SH2D6: variants seen among roughly 807,000 people sequenced by gnomAD.
The protein encoded by SH2D6 is SH2 domain-containing protein 6.
SH2D6 carries 31 observed loss-of-function variants against 30.2 expected under a neutral mutation model. The ratio of observed to expected loss-of-function variants is 1.03; its 90% CI spans 0.77 to 1.38. The LOEUF (loss-of-function observed/expected upper bound fraction) is 1.38, where lower values mean the gene tolerates loss of function less well. Among genes scored for constraint, SH2D6 ranks in the 40% most tolerant of loss-of-function variants. The probability of loss-of-function intolerance (pLI) is 0.00; values close to 1 mark genes in which losing one functional copy is unlikely to be tolerated. For synonymous variants in SH2D6, 93 were observed against 104.6 expected (o/e 0.89, Z 0.68); for missense variants, 240 against 266.8 (o/e 0.90, Z 0.70).
chr2:85,425,251 T>G (rs1687943324), intron 5 of SH2D6, 57 bp from the exon 6 acceptor site: 1 of 142,376 alleles, frequency 7.0e-6, no homozygotes, highest in African/African-American at 2.6e-5. Context: ...GTTCTTTTCT[T>G]TCTTTCTTTT....
chr2:85,431,991 C>T (rs1688713278), intron 14 of SH2D6, 32 bp downstream of exon 14: 1 of 152,694 alleles, frequency 6.5e-6, no homozygotes, highest in African/African-American at 2.4e-5. Flanking sequence ...TCTGTGGCTC[C>T]ACCCTGGGAC....
At chr2:85,423,088 A>T (rs534318692) in intron 5 of SH2D6, among the ~76,000 whole-genome samples, 2 of 152,200 alleles carry the variant, frequency 1.3e-5, no homozygotes, top group Non-Finnish European at 2.9e-5. Flanking sequence ...GGGTTTCGCC[A>T]TGTTGGCCAG....
rs530413929 is a variant in SH2D6 at position 85,435,352 on chromosome 2, C to T, written c.649-61C>T. On this transcript the variant is annotated intron_variant, in intron 20 of 23. Coordinates refer to ENST00000469800, the MANE Select transcript of SH2D6 (RefSeq NM_001394463.1). ...CATAAATAACTGCACCCTGGGTCCT[C>T]GGCTCCGCATGCCTGATTGAGTGCC... The T allele has an allele frequency of 5.2e-5, 81 of 1,566,138 alleles. No individual in the cohort carries two copies. In the African/African-American group the frequency reaches 6.0e-4, roughly 12 times the overall value.
chr2:85,428,486 A>C (rs1688251101), intron 6 of SH2D6, 98 bp from the exon 7 acceptor site: 1 of 152,210 alleles, frequency 6.6e-6, no homozygotes, highest in Non-Finnish European at 1.5e-5. Context: ...TAGGGAGGTC[A>C]TTAAGAATAA....
intron 17 of SH2D6, 38 bp downstream of exon 17, chr2:85,434,149 T>C (rs1445431836): frequency 6.5e-7 from 1 of 1,541,210 alleles, no homozygotes; most frequent in Admixed American, 2.0e-5. Context: ...TGTGTATGTA[T>C]GTGAGACACA....
In SH2D6 at chr2:85,418,796, C is replaced by T. The variant is rs1455295790; in HGVS notation, c.-927C>T. 6.6e-6 allele frequency: 1 copy of T among 152,306 alleles called. No homozygotes were observed. Among genetic ancestry groups the T allele is most frequent in the Non-Finnish European group, 1.5e-5 (1 of 68,102 alleles). The allele number at this position is 152,306 out of a possible 1,614,324, so 9.4% of individuals were successfully genotyped here. A position where few individuals can be genotyped will look rare whatever the true frequency, so the allele number is the denominator to read the frequency against. On this transcript the variant is annotated 5_prime_UTR_variant, in exon 1 of 24. Transcript: ENST00000469800. The stretch of plus-strand genomic sequence containing the variant: ...ATCCCGGTAGCTAGGTGGGGGCTAC[C>T]CTGCTGGGGAAGAGATGGCCTTCTC...
chr2:85,434,157 A>G (rs1414263189), intron 17 of SH2D6, 46 bp downstream of exon 17: 1 of 1,541,520 alleles, frequency 6.5e-7, no homozygotes, highest in Non-Finnish European at 8.8e-7. Flanking sequence ...TATGTGAGAC[A>G]CAGAGAGAGA....
Position 85,435,513 on chromosome 2 carries a change from C to T in SH2D6, c.732+17C>T, listed in dbSNP as rs7589663. On this transcript the variant is annotated intron_variant, in intron 21 of 23. Transcript: ENST00000469800. ...TTACAAAAGGTGGGCAGCCACGGAC[C>T]CCGGGTCTTCTCCAAAACCCCTTTT... 0.15 allele frequency: 245,997 copies of T among 1,611,272 alleles called. 22,592 individuals carry two copies. Among genetic ancestry groups the T allele is most frequent in the African/African-American group, 0.42 (31,469 of 74,894 alleles).
chr2:85,434,661 A>G, intron 19 of SH2D6, 164 bp downstream of exon 19: 1 of 1,313,054 alleles, frequency 7.6e-7, no homozygotes, highest in Non-Finnish European at 1.0e-6. Flanking sequence ...CATCTTCAGC[A>G]TGAATGCAGG....
intron 2 of SH2D6, among the ~76,000 whole-genome samples, chr2:85,419,611 T>G (rs998387130): frequency 6.6e-6 from 1 of 152,232 alleles, no homozygotes; most frequent in Non-Finnish European, 1.5e-5. Flanking sequence ...AGCAACACAT[T>G]GGACTTTCTG....
At chr2:85,428,532 G>C (rs79702537) in intron 6 of SH2D6, 52 bp from the exon 7 acceptor site, 2 of 152,146 alleles carry the variant, frequency 1.3e-5, no homozygotes, top group Non-Finnish European at 2.9e-5. Context: ...ATCTGATAGT[G>C]TGGGTGTCTT....
Position 85,434,508 on chromosome 2 carries a change from G to A in SH2D6, c.589+11G>A, listed in dbSNP as rs1198767681. ...ATGCTGCCTCTAAAGGTGAGTAAAG[G>A]CTGGTCCAAAGGTAGTGAGTTATCC... On this transcript the variant is annotated intron_variant, in intron 19 of 23. Transcript: ENST00000469800. 1.3e-6 allele frequency: 2 copies of A among 1,550,302 alleles called. No individual in the cohort carries two copies. The highest frequency in any genetic ancestry group is 2.0e-5 in the Admixed American group (1 of 50,966).
intron 18 of SH2D6, 47 bp from the exon 19 acceptor site, chr2:85,434,426 T>G (rs1573247513): frequency 6.5e-7 from 1 of 1,550,356 alleles, no homozygotes; most frequent in East Asian, 2.4e-5. Flanking sequence ...AGGCTCAGGG[T>G]GGGACCTGGG....
chr2:85,421,405 A>G (rs1227323725), intron 2 of SH2D6: 1 of 152,242 alleles, frequency 6.6e-6, no homozygotes, highest in Non-Finnish European at 1.5e-5. Context: ...TCGAAGACAT[A>G]TGGACAGGAA....
intron 5 of SH2D6, among the ~76,000 whole-genome samples, chr2:85,424,802 T>C (rs532963994): frequency 7.9e-5 from 12 of 150,992 alleles, no homozygotes; most frequent in African/African-American, 2.9e-4. Flanking sequence ...GCTTGTTGGC[T>C]TACGCCTGTA....
intron 19 of SH2D6, chr2:85,434,756 C>G: frequency 2.1e-6 from 3 of 1,449,308 alleles, no homozygotes; most frequent in Non-Finnish European, 2.7e-6. Context: ...CCCTGAAGCT[C>G]TGACTCCAGC....
intron 2 of SH2D6, among the ~76,000 whole-genome samples, chr2:85,420,055 A>C (rs1365863910): frequency 6.6e-6 from 1 of 152,000 alleles, no homozygotes; most frequent in African/African-American, 2.4e-5. Context: ...ACAGCTATTG[A>C]CTCAGTCCCT....
intron 22 of SH2D6, 38 bp downstream of exon 22, chr2:85,435,862 A>G (rs1366311126): frequency 2.5e-5 from 38 of 1,526,696 alleles, no homozygotes; most frequent in Non-Finnish European, 3.3e-5. Context: ...AGGAGGGACC[A>G]CAGAGCAGTA....
At chr2:85,423,189 GTTT>G (rs1171994386) in intron 5 of SH2D6, among the ~76,000 whole-genome samples, 1,539 of 145,192 alleles carry the variant, frequency 0.011, 26 homozygotes, top group East Asian at 0.051. Flanking sequence ...CACCCGGCCT[GTTT>G]TTTTTTTTGT....
Sources: gnomAD v4.1 joint callset for allele counts (sites outside exome capture counted in the v4.1 genomes callset) on GRCh38, gnomAD v4.1.1 for gene constraint, MANE v1.5 for transcripts, NCBI Gene and HGNC (gene_info 2026-07-23, HGNC 2026-07-21) for gene names.